DYRK1A: variants seen among roughly 807,000 people sequenced by gnomAD.
DYRK1A encodes the protein dual specificity tyrosine phosphorylation regulated kinase 1A.
In DYRK1A, 9 loss-of-function variants were observed where a neutral mutation model predicts 79.7. The observed-to-expected ratio is 0.11, with a 90% CI of 0.07 to 0.20. The LOEUF is 0.20. Ranked by LOEUF, DYRK1A falls within the 10% of genes least tolerant of loss-of-function variation. DYRK1A has a pLI of 1.00. For synonymous variants in DYRK1A, 349 were observed against 329.7 expected (o/e 1.06, Z -0.63); for missense variants, 622 against 956.0 (o/e 0.65, Z 4.61).
At position 37,516,948 on chromosome 21, in the gene DYRK1A, A is replaced by T. The variant is rs1288944417; in HGVS notation, c.*4417A>T. ...CCAGTATGCAGCTGCTGTACCTGAA[A>T]ATTTTTCCCCATAATTTCCCATCTT... is the stretch of plus-strand genomic sequence containing the variant. On this transcript the variant is annotated 3_prime_UTR_variant, in exon 12 of 12. Coordinates refer to ENST00000647188, the MANE Select transcript of DYRK1A (RefSeq NM_001347721.2). 6.6e-6 allele frequency: 1 copy of T among 152,118 alleles called. No individual in the cohort carries two copies. The highest frequency in any genetic ancestry group is 1.5e-5 in the Non-Finnish European group (1 of 68,016). 9.4% of individuals were successfully genotyped at this position (152,118 alleles called of 1,614,324 possible).
intron 1 of DYRK1A, among the ~76,000 whole-genome samples, chr21:37,389,663 A>G (rs370058330): frequency 2.0e-4 from 31 of 152,014 alleles, no homozygotes; most frequent in African/African-American, 6.8e-4. Flanking sequence ...TGTGGCTTGT[A>G]TTTAGGAGTA....
intron 1 of DYRK1A, among the ~76,000 whole-genome samples, chr21:37,390,559 A>G (rs1318516555): frequency 6.6e-6 from 1 of 151,882 alleles, no homozygotes; most frequent in African/African-American, 2.4e-5. Context: ...TCATTTACAC[A>G]TTTTGTCGTT....
intron 11 of DYRK1A, among the ~76,000 whole-genome samples, chr21:37,511,680 C>T (rs771217354): frequency 4.6e-5 from 7 of 152,220 alleles, no homozygotes; most frequent in Admixed American, 1.3e-4. Context: ...AATAGATGAA[C>T]CTATTTAAGG....
At chr21:37,394,940 C>T (rs1455670623) in intron 1 of DYRK1A, among the ~76,000 whole-genome samples, 5 of 152,166 alleles carry the variant, frequency 3.3e-5, no homozygotes, top group African/African-American at 9.7e-5. Flanking sequence ...AGTTCACAAA[C>T]GATCTCAAGT....
intron 9 of DYRK1A, chr21:37,502,796 C>G (rs1427125023): frequency 6.6e-6 from 1 of 152,120 alleles, no homozygotes; most frequent in African/African-American, 2.4e-5. Flanking sequence ...AATAAGCTAT[C>G]CCGATAAATT....
intron 2 of DYRK1A, among the ~76,000 whole-genome samples, chr21:37,442,813 A>G (rs2051148336): frequency 6.6e-6 from 1 of 152,158 alleles, no homozygotes; most frequent in South Asian, 2.1e-4. Flanking sequence ...ATTTGAATAC[A>G]TGGAGTACAG....
chr21:37,395,488 A>G (rs1164915176), intron 1 of DYRK1A, among the ~76,000 whole-genome samples: 1 of 152,188 alleles, frequency 6.6e-6, no homozygotes. Flanking sequence ...GCCCTCCAGA[A>G]GTTAATCTTA....
chr21:37,446,069 T>A (rs2148489586), intron 2 of DYRK1A, among the ~76,000 whole-genome samples: 1 of 152,146 alleles, frequency 6.6e-6, no homozygotes, highest in Admixed American at 6.5e-5. Flanking sequence ...GCTACCAGAG[T>A]ATCTTAGGCG....
Position 37,524,763 on chromosome 21 carries a change from A to G in DYRK1A, c.*12232A>G, listed in dbSNP as rs756272331. 2 of 152,258 alleles carry G rather than the reference A, an allele frequency of 1.3e-5. No homozygotes were observed. Among genetic ancestry groups the G allele is most frequent in the African/African-American group, 2.4e-5 (1 of 41,462 alleles). 9.4% of individuals were successfully genotyped at this position (152,258 alleles called of 1,614,324 possible). ...GTAACTGAAGAATTGGCCTCTATCA[A>G]TAGTCTTATGTGGAACAACTACTGG... is the stretch of plus-strand genomic sequence containing the variant. On this transcript the variant is annotated 3_prime_UTR_variant, in exon 12 of 12. Coordinates refer to ENST00000647188, the MANE Select transcript of DYRK1A (RefSeq NM_001347721.2).
intron 1 of DYRK1A, among the ~76,000 whole-genome samples, chr21:37,370,929 G>A (rs1397892877): frequency 6.6e-6 from 1 of 152,124 alleles, no homozygotes; most frequent in Non-Finnish European, 1.5e-5. Context: ...TGTATATATG[G>A]TGGTTTTGCC....
Position 37,490,159 on chromosome 21 carries a change from C to T in DYRK1A, c.638-16C>T, listed in dbSNP as rs752215022. On this transcript the variant is annotated splice_polypyrimidine_tract_variant and intron_variant, in intron 6 of 11. Transcript: ENST00000647188. ...TTGGTATATATAATTTAAAATGAAA[C>T]TGTTTTCTCTTTCAGTGCATTTGAA... 4.4e-6 allele frequency: 7 copies of T among 1,603,936 alleles called. No homozygotes were observed. In the African/African-American group the frequency reaches 9.4e-5, roughly 22 times the overall value.
At position 37,515,766 on chromosome 21, in the gene DYRK1A, GA is replaced by G. The variant is rs1322634534; in HGVS notation, c.*3239del. 1 of 151,684 alleles carries G rather than the reference GA, an allele frequency of 6.6e-6. No individual in the cohort carries two copies. Among genetic ancestry groups the G allele is most frequent in the African/African-American group, 2.4e-5 (1 of 41,256 alleles). The allele number at this position is 151,684 out of a possible 1,614,324, so 9.4% of individuals were successfully genotyped here. Reference sequence around the variant, plus strand: ...TTGAAGTTAACCACATGTAAGAAAGGAAAACTTCCATTAGTTTTCTTCTTAG... The same window carrying G: ...TTGAAGTTAACCACATGTAAGAAAGGAAACTTCCATTAGTTTTCTTCTTAG... On this transcript the variant is annotated 3_prime_UTR_variant, in exon 12 of 12. Transcript: ENST00000647188.
At chr21:37,478,349 A>AG in intron 4 of DYRK1A, 49 bp downstream of exon 4, 1 of 1,560,958 alleles carries the variant, frequency 6.4e-7, no homozygotes, top group South Asian at 1.2e-5. Context: ...TATGTCATTG[A>AG]GAAAAAAAGT....
chr21:37,405,607 A>T (rs76761380), intron 1 of DYRK1A, among the ~76,000 whole-genome samples: 3,176 of 152,294 alleles, frequency 0.021, 47 homozygotes, highest in Non-Finnish European at 0.031. Flanking sequence ...AGGAAGCGTT[A>T]CAGATACAAA....
At chr21:37,437,377 G>C (rs1272595914) in intron 2 of DYRK1A, among the ~76,000 whole-genome samples, 2 of 152,180 alleles carry the variant, frequency 1.3e-5, no homozygotes, top group Non-Finnish European at 2.9e-5. Flanking sequence ...TATGTTGTAG[G>C]AGAAGCAGAT....
intron 2 of DYRK1A, among the ~76,000 whole-genome samples, chr21:37,459,064 G>T (rs1391912749): frequency 4.6e-5 from 7 of 152,156 alleles, no homozygotes; most frequent in African/African-American, 1.7e-4. Flanking sequence ...CATAAATAAG[G>T]ATATACCGTC....
chr21:37,511,069 G>A (rs1240020410), intron 11 of DYRK1A, among the ~76,000 whole-genome samples: 1 of 152,164 alleles, frequency 6.6e-6, no homozygotes, highest in Admixed American at 6.5e-5. Flanking sequence ...AGGGAGCAGC[G>A]TGTTACTAGT....
chr21:37,459,866 G>A (rs933578361), intron 2 of DYRK1A, among the ~76,000 whole-genome samples: 1 of 151,938 alleles, frequency 6.6e-6, no homozygotes, highest in East Asian at 1.9e-4. Context: ...TTTTTTTCCC[G>A]CAAAGGACTG....
At chr21:37,395,716 ATAT>A (rs1242171590) in intron 1 of DYRK1A, among the ~76,000 whole-genome samples, 7 of 152,132 alleles carry the variant, frequency 4.6e-5, no homozygotes, top group African/African-American at 1.7e-4. Context: ...GATTTTGGCT[ATAT>A]TATTTTAATA....
Sources: gnomAD v4.1 joint callset for allele counts (sites outside exome capture counted in the v4.1 genomes callset) on GRCh38, gnomAD v4.1.1 for gene constraint, MANE v1.5 for transcripts, NCBI Gene and HGNC (gene_info 2026-07-23, HGNC 2026-07-21) for gene names.